KDM4C: variants seen among roughly 807,000 people sequenced by gnomAD.
The protein encoded by KDM4C is lysine-specific demethylase 4C.
A neutral mutation model predicts 129.3 loss-of-function variants in KDM4C; 81 were observed. The ratio of observed to expected loss-of-function variants is 0.63; its 90% confidence interval spans 0.52 to 0.75. The LOEUF (loss-of-function observed/expected upper bound fraction) is 0.75. Among genes scored for constraint, KDM4C ranks in the 30% least tolerant of loss-of-function variants. KDM4C has a pLI of 0.00. For missense variants in KDM4C, 1,457 were observed against 1,304.0 expected (o/e 1.12, Z -1.81); for synonymous variants, 573 against 456.1 (o/e 1.26, Z -3.26).
intron 8 of KDM4C, among the ~76,000 whole-genome samples, chr9:6,934,114 A>C (rs866497151): frequency 6.6e-6 from 1 of 151,366 alleles, no homozygotes; most frequent in Admixed American, 6.6e-5. Context: ...CAGCCTCCCA[A>C]AGTGCTGGGA....
At position 6,884,253 on chromosome 9, in the gene KDM4C, A is replaced by C. The variant is rs111827250; in HGVS notation, c.680-3707A>C. On this transcript the variant is annotated intron_variant, in intron 6 of 21. Transcript: ENST00000381309. ...ACTCCGTGAACGTTAGCAAGCACCAAGAGGCCAAATGTAATATGTGCCTCT... is the reference window on the plus strand; with the variant it reads ...ACTCCGTGAACGTTAGCAAGCACCACGAGGCCAAATGTAATATGTGCCTCT... 7.0e-3 allele frequency among the ~76,000 whole-genome samples: 1,069 copies of C among 152,294 alleles called. 16 individuals are homozygous for C. Among genetic ancestry groups the C allele is most frequent in the African/African-American group, 0.025 (1,026 of 41,558 alleles).
intron 12 of KDM4C, among the ~76,000 whole-genome samples, chr9:7,000,289 T>A (rs1018837844): frequency 6.6e-6 from 1 of 152,204 alleles, no homozygotes; most frequent in Non-Finnish European, 1.5e-5. Flanking sequence ...CAGGTTTTGA[T>A]TAAATTAGAG....
intron 4 of KDM4C, among the ~76,000 whole-genome samples, chr9:6,833,989 C>T (rs1019494919): frequency 6.7e-6 from 1 of 150,282 alleles, no homozygotes; most frequent in Non-Finnish European, 1.5e-5. Context: ...AAGATCCTGC[C>T]GTGTGTGGTG....
chr9:6,925,492 C>T, intron 8 of KDM4C: 1 of 809,932 alleles, frequency 1.2e-6, no homozygotes, highest in Non-Finnish European at 1.5e-6. Context: ...GACATATTCT[C>T]ACCATCTTGC....
At chr9:6,972,713 GAGTT>G (rs931480960) in intron 8 of KDM4C, among the ~76,000 whole-genome samples, 1 of 152,166 alleles carries the variant, frequency 6.6e-6, no homozygotes, top group African/African-American at 2.4e-5. Context: ...ACAGTCATGG[GAGTT>G]AGTTCTGCGT....
intron 15 of KDM4C, among the ~76,000 whole-genome samples, chr9:7,044,886 G>A (rs1051811482): frequency 6.6e-6 from 1 of 151,974 alleles, no homozygotes; most frequent in Admixed American, 6.6e-5. Context: ...CTGAGGGTCA[G>A]CTAGAGGTGC....
intron 18 of KDM4C, among the ~76,000 whole-genome samples, chr9:7,126,085 C>T (rs1840000294): frequency 6.6e-6 from 1 of 152,212 alleles, no homozygotes; most frequent in Non-Finnish European, 1.5e-5. Flanking sequence ...GTGCCAATCA[C>T]TCTGCAGAGT....
intron 8 of KDM4C, among the ~76,000 whole-genome samples, chr9:6,894,575 A>C (rs1846562070): frequency 6.6e-6 from 1 of 152,248 alleles, no homozygotes; most frequent in Admixed American, 6.5e-5. Flanking sequence ...GAGTCACCAC[A>C]AATATTGATT....
intron 1 of KDM4C, among the ~76,000 whole-genome samples, chr9:6,790,252 T>C (rs1826281150): frequency 6.6e-6 from 1 of 151,576 alleles, no homozygotes; most frequent in Non-Finnish European, 1.5e-5. Context: ...GTAGCCCTGC[T>C]CTGTTTTTTT....
At chr9:7,028,058 A>G (rs1364287860) in intron 15 of KDM4C, among the ~76,000 whole-genome samples, 2 of 152,164 alleles carry the variant, frequency 1.3e-5, no homozygotes, top group African/African-American at 4.8e-5. Context: ...GAGGACCCCA[A>G]GATCCTGCTT....
intron 1 of KDM4C, among the ~76,000 whole-genome samples, chr9:6,737,664 C>CAAA (rs34608889): frequency 2.6e-3 from 123 of 47,062 alleles, no homozygotes; most frequent in Non-Finnish European, 3.2e-3. Context: ...GACTTCATCT[C>CAAA]AAAAAAAAAA....
chr9:6,951,667 T>C (rs945078536), intron 8 of KDM4C, among the ~76,000 whole-genome samples: 1 of 152,200 alleles, frequency 6.6e-6, no homozygotes, highest in Admixed American at 6.5e-5. Context: ...TGGTATACAG[T>C]TTAGACATAA....
intron 11 of KDM4C, 61 bp downstream of exon 11, chr9:6,986,727 C>T: frequency 8.1e-7 from 1 of 1,235,922 alleles, no homozygotes; most frequent in Non-Finnish European, 1.1e-6. Flanking sequence ...ATTTTGAAAA[C>T]AACATGCTGT....
chr9:6,907,064 A>T (rs1818448488), intron 8 of KDM4C, among the ~76,000 whole-genome samples: 1 of 152,186 alleles, frequency 6.6e-6, no homozygotes, highest in Non-Finnish European at 1.5e-5. Flanking sequence ...ATATGCTTAC[A>T]AGCATTAAAG....
chr9:7,009,672 A>G (rs1822328003), intron 12 of KDM4C, among the ~76,000 whole-genome samples: 1 of 152,200 alleles, frequency 6.6e-6, no homozygotes, highest in Non-Finnish European at 1.5e-5. Context: ...TAATAGTCAA[A>G]TCATGGGTGT....
At chr9:7,051,147 A>G (rs1830102413) in intron 17 of KDM4C, among the ~76,000 whole-genome samples, 1 of 152,190 alleles carries the variant, frequency 6.6e-6, no homozygotes, top group Non-Finnish European at 1.5e-5. Context: ...ATAATGTTAT[A>G]TTTATGGAAA....
At chr9:6,807,804 GC>G (rs925677696) in intron 3 of KDM4C, among the ~76,000 whole-genome samples, 9 of 143,240 alleles carry the variant, frequency 6.3e-5, no homozygotes, top group African/African-American at 1.6e-4. Context: ...GGGGGGGTCA[GC>G]CCCCCGCCCG....
chr9:7,093,392 A>G (rs773213563), intron 17 of KDM4C, among the ~76,000 whole-genome samples: 1 of 152,220 alleles, frequency 6.6e-6, no homozygotes, highest in Non-Finnish European at 1.5e-5. Flanking sequence ...TAAAATAACA[A>G]CACGAAAAAA....
chr9:7,149,033 C>G (rs1486718614), intron 19 of KDM4C, among the ~76,000 whole-genome samples: 3 of 152,228 alleles, frequency 2.0e-5, no homozygotes, highest in African/African-American at 7.2e-5. Flanking sequence ...CTCCTAATAA[C>G]CTGTCTGCCT....
Sources: allele counts gnomAD v4.1 joint callset (sites outside exome capture counted in the v4.1 genomes callset), GRCh38; gene constraint gnomAD v4.1.1; transcripts MANE v1.5; gene names NCBI Gene and HGNC (gene_info 2026-07-23, HGNC 2026-07-21).